The following PPARGC1A variants were observed in gnomAD, a reference collection of about 807,000 sequenced individuals.
PPARGC1A encodes PPARG coactivator 1 alpha.
In PPARGC1A, 25 loss-of-function variants were observed where a neutral mutation model predicts 88.7. The ratio of observed to expected loss-of-function variants is 0.28; its 90% CI spans 0.21 to 0.39. PPARGC1A has a LOEUF of 0.39. Ranked by LOEUF, PPARGC1A falls within the 10% of genes least tolerant of loss-of-function variation. PPARGC1A has a pLI of 1.00. For synonymous variants in PPARGC1A, 363 were observed against 355.6 expected (o/e 1.02, Z -0.24); for missense variants, 880 against 968.7 (o/e 0.91, Z 1.22).
At chr4:23,813,623 GTATTT>G (rs1483134635) in intron 8 of PPARGC1A, 62 bp downstream of exon 8, 59 of 1,367,870 alleles carry the variant, frequency 4.3e-5, no homozygotes, top group Admixed American at 3.6e-4. Context: ...ATTTTTATTT[GTATTT>G]TATTTTATTT....
chr4:24,158,757 TAAAG>T, the PPARGC1A span, among the ~76,000 whole-genome samples: 1 of 152,188 alleles, frequency 6.6e-6, no homozygotes, highest in Non-Finnish European at 1.5e-5. Flanking sequence ...AGAAAGGCTA[TAAAG>T]AAAGGTGTCA....
chr4:24,252,475 C>T, the PPARGC1A span, among the ~76,000 whole-genome samples: 4 of 152,226 alleles, frequency 2.6e-5, no homozygotes, highest in Admixed American at 2.6e-4. Context: ...CACTGCCAAC[C>T]AAGATTGCTG....
At chr4:24,265,577 T>G in the PPARGC1A span, among the ~76,000 whole-genome samples, 1 of 152,132 alleles carries the variant, frequency 6.6e-6, no homozygotes, top group Non-Finnish European at 1.5e-5. Context: ...AGAAAATCGA[T>G]GCCGGGGGGC....
the PPARGC1A span, among the ~76,000 whole-genome samples, chr4:23,997,497 CTTTTTTTTTTT>C: frequency 1.0e-5 from 1 of 96,954 alleles, no homozygotes; most frequent in Non-Finnish European, 2.0e-5. Flanking sequence ...CAAGAAAGCC[CTTTTTTTTTTT>C]TTTTTTTTTT....
chr4:24,360,378 C>T, the PPARGC1A span, among the ~76,000 whole-genome samples: 2 of 152,194 alleles, frequency 1.3e-5, no homozygotes, highest in Non-Finnish European at 2.9e-5. Flanking sequence ...TCATCCTTCA[C>T]TCTGCACCAG....
intron 10 of PPARGC1A, among the ~76,000 whole-genome samples, chr4:23,811,569 T>G (rs1471948295): frequency 1.3e-5 from 2 of 152,184 alleles, no homozygotes; most frequent in African/African-American, 4.8e-5. Context: ...GCCATGGGCA[T>G]GGGCTGGATT....
intron 1 of PPARGC1A, among the ~76,000 whole-genome samples, chr4:23,898,193 T>C (rs1386414630): frequency 6.6e-6 from 1 of 152,206 alleles, no homozygotes; most frequent in East Asian, 1.9e-4. Flanking sequence ...GAGATATTCA[T>C]GTAGGGTGTG....
the PPARGC1A span, among the ~76,000 whole-genome samples, chr4:24,265,523 T>C: frequency 6.6e-6 from 1 of 152,148 alleles, no homozygotes; most frequent in Admixed American, 6.6e-5. Flanking sequence ...TGGGTTTTAT[T>C]ATTCGAATGG....
At chr4:24,248,756 C>G in the PPARGC1A span, among the ~76,000 whole-genome samples, 7,132 of 152,204 alleles carry the variant, frequency 0.047, 229 homozygotes, top group Middle Eastern at 0.099. Context: ...TGAAATGCAG[C>G]TTAGCAGGGG....
chr4:24,157,299 T>C, the PPARGC1A span, among the ~76,000 whole-genome samples: 1,307 of 152,262 alleles, frequency 8.6e-3, 27 homozygotes, highest in African/African-American at 0.03. Context: ...CTTTAATCCT[T>C]TGTTTATTTT....
the PPARGC1A span, among the ~76,000 whole-genome samples, chr4:24,387,770 A>AGAG: frequency 0.013 from 768 of 58,482 alleles, 7 homozygotes; most frequent in Non-Finnish European, 0.017. Flanking sequence ...GAGAGAGAGA[A>AGAG]AGAAAGAAAG....
At chr4:23,951,889 C>G in the PPARGC1A span, among the ~76,000 whole-genome samples, 1 of 152,062 alleles carries the variant, frequency 6.6e-6, no homozygotes. Context: ...AATATTTGAA[C>G]AGTTATTAAT....
chr4:24,325,172 G>GC, the PPARGC1A span, among the ~76,000 whole-genome samples: 3 of 152,108 alleles, frequency 2.0e-5, no homozygotes, highest in Non-Finnish European at 2.9e-5. Context: ...TCGTTCCCCA[G>GC]CAACCCTGAG....
chr4:24,049,292 G>GTATA, the PPARGC1A span, among the ~76,000 whole-genome samples: 6 of 92,582 alleles, frequency 6.5e-5, no homozygotes, highest in African/African-American at 2.1e-4. Context: ...ATATATGTGT[G>GTATA]TATATATATA....
At chr4:23,829,101 T>C (rs534182068) in intron 4 of PPARGC1A, among the ~76,000 whole-genome samples, 92 of 152,350 alleles carry the variant, frequency 6.0e-4, no homozygotes, top group Non-Finnish European at 1.1e-3. Flanking sequence ...AAAAGCAATC[T>C]TTCTCAGGTT....
chr4:23,831,929 A>C (rs1164805660), intron 2 of PPARGC1A, among the ~76,000 whole-genome samples, 178 bp from the exon 3 acceptor site: 1 of 152,032 alleles, frequency 6.6e-6, no homozygotes, highest in South Asian at 2.1e-4. Context: ...AAATGACACA[A>C]TTAATGAATA....
At chr4:24,218,435 G>C in the PPARGC1A span, among the ~76,000 whole-genome samples, 1 of 152,232 alleles carries the variant, frequency 6.6e-6, no homozygotes, top group Admixed American at 6.5e-5. Flanking sequence ...AGGATACAGA[G>C]AAACTAGCAG....
the PPARGC1A span, among the ~76,000 whole-genome samples, chr4:24,410,325 G>A: frequency 8.6e-5 from 13 of 151,846 alleles, no homozygotes; most frequent in Admixed American, 2.6e-4. Flanking sequence ...ACACATACAC[G>A]TATTTTCCTA....
chr4:24,052,606 C>T, the PPARGC1A span, among the ~76,000 whole-genome samples: 2 of 148,622 alleles, frequency 1.3e-5, no homozygotes, highest in South Asian at 2.1e-4. Flanking sequence ...CACTGCACTC[C>T]AGCCTGGGCG....
Sources: gnomAD v4.1 joint callset for allele counts (sites outside exome capture counted in the v4.1 genomes callset) on GRCh38, gnomAD v4.1.1 for gene constraint, MANE v1.5 for transcripts, NCBI Gene and HGNC (gene_info 2026-07-23, HGNC 2026-07-21) for gene names.